The following ZNF263 variants were observed in gnomAD, a reference collection of about 807,000 sequenced individuals.
The protein encoded by ZNF263 is zinc finger protein 263.
Under a neutral mutation model 63.1 loss-of-function variants are expected in ZNF263, and 49 were observed. That is an observed-to-expected ratio of 0.78 (90% CI 0.62 to 0.99). The LOEUF is 0.99. Among genes scored for constraint, ZNF263 ranks in the 50% least tolerant of loss-of-function variants. ZNF263 has a pLI of 0.00. For missense variants in ZNF263, 872 were observed against 854.8 expected (o/e 1.02, Z -0.25); for synonymous variants, 352 against 324.2 (o/e 1.09, Z -0.92).
In ZNF263 at chr16:3,286,014, C is replaced by T. The variant is rs201450738; in HGVS notation, c.643-9C>T. 4.3e-5 allele frequency: 69 copies of T among 1,614,004 alleles called. No individual in the cohort carries two copies. The highest frequency in any genetic ancestry group is 5.3e-5 in the Non-Finnish European group (62 of 1,179,974). On this transcript the variant is annotated splice_polypyrimidine_tract_variant and intron_variant, in intron 3 of 5. Coordinates refer to ENST00000219069, the MANE Select transcript of ZNF263 (RefSeq NM_005741.5). ...ATCAGGGGCTAAAGGAGATCTTGTG[C>T]TGTTTCAGTTGCCTGAGAGCTTAGA...
At chr16:3,285,302 A>G in intron 2 of ZNF263, 63 bp downstream of exon 2, 1 of 1,493,342 alleles carries the variant, frequency 6.7e-7, no homozygotes, top group Non-Finnish European at 9.1e-7. Context: ...CCCCGACACT[A>G]GCTGGATGTA....
chr16:3,285,588 C>T (rs1461640299), intron 2 of ZNF263, 93 bp from the exon 3 acceptor site: 1 of 1,294,440 alleles, frequency 7.7e-7, no homozygotes, highest in Non-Finnish European at 1.1e-6. Flanking sequence ...AAAGCAGAGG[C>T]TGGGTGTTGG....
chr16:3,285,367 GAA>G (rs758083448), intron 2 of ZNF263, 128 bp downstream of exon 2: 558 of 1,130,196 alleles, frequency 4.9e-4, no homozygotes, highest in Non-Finnish European at 6.4e-4. Context: ...CCTGTGGAAT[GAA>G]AGACCTGCAG....
Position 3,288,457 on chromosome 16 carries a change from C to T in ZNF263, c.773C>T (p.Ser258Phe). The T allele has an allele frequency of 1.2e-6, 2 of 1,607,904 alleles. No homozygotes were observed. The highest frequency in any genetic ancestry group is 1.7e-6 in the Non-Finnish European group (2 of 1,175,184). Residue 258 changes from serine (S) to phenylalanine (F), a missense_variant, in exon 5 of 6, where the codon TCT becomes TTT. Coordinates refer to ENST00000219069, the MANE Select transcript of ZNF263 (RefSeq NM_005741.5). ...ESYENVDSLE[S>F]HIPSQEVPGT... ...CTGTTTCTTTCATTGTGAACAGAGT[C>T]TCACATTCCCAGTCAGGAGGTCCCA...
rs1466799317 is a variant in ZNF263 at position 3,289,490 on chromosome 16, G to A, written c.984G>A (p.Val328=). The change falls in exon 6 of 6, where the codon GTG becomes GTA. Residue 328 remains valine, a synonymous_variant. Transcript: ENST00000219069. ...VLLPDQARGE[V]PWSPELGRPH... The stretch of plus-strand genomic sequence containing the variant: ...TTCCTGACCAGGCCCGAGGGGAGGT[G>A]CCCTGGAGTCCTGAGCTGGGAAGAC... 5.1e-6 allele frequency: 8 copies of A among 1,558,072 alleles called. No individual in the cohort carries two copies. The highest frequency in any genetic ancestry group is 6.1e-6 in the Non-Finnish European group (7 of 1,153,046).
chr16:3,289,771 T>C lies in ZNF263; in HGVS notation c.1265T>C (p.Leu422Pro). The C allele has an allele frequency of 6.2e-7, 1 of 1,614,248 alleles. No individual in the cohort carries two copies. Among genetic ancestry groups the C allele is most frequent in the Non-Finnish European group, 8.5e-7 (1 of 1,180,044 alleles). ...TEIFGGNPRF[L>P]SLHRAHLGEE... ...ATCTTTGGTGGGAACCCACGTTTCC[T>C]GTCACTACACAGAGCACACCTGGGA... Residue 422 changes from leucine (L) to proline (P), a missense_variant, in exon 6 of 6, where the codon CTG becomes CCG. By Grantham distance (98) the Leu-to-Pro change is moderately conservative. Transcript: ENST00000219069.
intron 1 of ZNF263, among the ~76,000 whole-genome samples, chr16:3,298,178 G>A (rs1207682535): frequency 6.6e-6 from 1 of 152,184 alleles, no homozygotes; most frequent in Non-Finnish European, 1.5e-5. Context: ...GCCGTATGAT[G>A]GTTAAAAGCC....
At chr16:3,297,023 G>A (rs1011181464) in intron 1 of ZNF263, among the ~76,000 whole-genome samples, 3 of 152,166 alleles carry the variant, frequency 2.0e-5, no homozygotes, top group African/African-American at 7.2e-5. Flanking sequence ...AAAATTCACA[G>A]GCCGGGCGCA....
chr16:3,294,066 C>T (rs1959684149), downstream of ZNF263, among the ~76,000 whole-genome samples: 1 of 152,354 alleles, frequency 6.6e-6, no homozygotes, highest in Non-Finnish European at 1.5e-5. Flanking sequence ...GCTGGGACTA[C>T]AGGCGCCCGC....
chr16:3,283,549 C>T lies in ZNF263; in HGVS notation c.-270C>T, dbSNP rs1567248008. The stretch of plus-strand genomic sequence containing the variant: ...GAGGTCTGAGTCTTGCGTGGGTCCT[C>T]TATATAGGGTGAGAAGCGTGGCGCT... On this transcript the variant is annotated 5_prime_UTR_variant, in exon 1 of 6. Transcript: ENST00000219069. The T allele has an allele frequency of 5.8e-6, 2 of 343,268 alleles. No individual in the cohort carries two copies. The highest frequency in any genetic ancestry group is 9.5e-5 in the East Asian group (2 of 20,944). 21.3% of individuals were successfully genotyped at this position (343,268 alleles called of 1,614,324 possible).
intron 2 of ZNF263, chr16:3,300,750 T>A (rs551176586): frequency 4.1e-5 from 58 of 1,408,426 alleles, no homozygotes; most frequent in Non-Finnish European, 5.2e-5. Flanking sequence ...TATTGGAGGA[T>A]AATGGACTGA....
downstream of ZNF263, among the ~76,000 whole-genome samples, chr16:3,292,113 C>A (rs182642069): frequency 1.8e-4 from 27 of 152,100 alleles, no homozygotes; most frequent in Admixed American, 1.2e-3. Context: ...CTGTGGGAAA[C>A]GGGGGAGTAT....
intron 5 of ZNF263, 107 bp from the exon 6 acceptor site, chr16:3,289,286 A>G: frequency 2.4e-6 from 3 of 1,234,560 alleles, no homozygotes; most frequent in Non-Finnish European, 3.3e-6. Context: ...CTGAGGTAGA[A>G]GCAGCCCTTC....
chr16:3,290,238 T>C lies in ZNF263; in HGVS notation c.1732T>C (p.Leu578=), dbSNP rs1959559167. Residue 578 remains leucine (L), a synonymous_variant, in exon 6 of 6, where the codon TTG becomes CTG. Coordinates refer to ENST00000219069, the MANE Select transcript of ZNF263 (RefSeq NM_005741.5). The part of the protein sequence containing the change: ...HKAEKKLFEC[L]TCGKSFRQGM... ...GGCAGAGAAGAAGCTCTTTGAATGT[T>C]TGACTTGTGGGAAAAGCTTCCGGCA... 1.9e-6 allele frequency: 3 copies of C among 1,614,146 alleles called. No homozygotes were observed. In the South Asian group the frequency reaches 3.3e-5, roughly 18 times the overall value.
At chr16:3,294,348 CAACT>C (rs1297503846), downstream of ZNF263, among the ~76,000 whole-genome samples, 1 of 152,180 alleles carries the variant, frequency 6.6e-6, no homozygotes, top group Non-Finnish European at 1.5e-5. Context: ...GCATTTGAAA[CAACT>C]AAGTCACGTA....
intron 1 of ZNF263, among the ~76,000 whole-genome samples, 182 bp downstream of exon 1, chr16:3,284,387 G>C (rs909919534): frequency 2.0e-5 from 3 of 152,246 alleles, no homozygotes; most frequent in Non-Finnish European, 4.4e-5. Context: ...AAGCAGTGAA[G>C]AGTGCCCTGT....
At position 3,290,591 on chromosome 16, in the gene ZNF263, G is replaced by A. The variant is rs752154335; in HGVS notation, c.*33G>A. 5.1e-6 allele frequency: 8 copies of A among 1,569,116 alleles called. No homozygotes were observed. The South Asian group carries it at 9.6e-5, about 19-fold the overall frequency. On this transcript the variant is annotated 3_prime_UTR_variant, in exon 6 of 6. Transcript: ENST00000219069. Reference sequence around the variant, plus strand: ...GGGGTTTCTCTTTGCCCCAGGTGAGGTGGCATATTCAGAGGAGCCTGTTGG... The same window carrying A: ...GGGGTTTCTCTTTGCCCCAGGTGAGATGGCATATTCAGAGGAGCCTGTTGG...
chr16:3,285,086 G>C lies in ZNF263; in HGVS notation c.415G>C (p.Val139Leu), dbSNP rs764198314. The C allele has an allele frequency of 1.5e-5, 25 of 1,614,092 alleles. No individual in the cohort carries two copies. Among genetic ancestry groups the C allele is most frequent in the Non-Finnish European group, 2.0e-5 (24 of 1,180,046 alleles). ...QVTNHGRGTE[V>L]LLEEPLPLET... The stretch of plus-strand genomic sequence containing the variant: ...CACAAACCATGGGCGGGGAACAGAA[G>C]TGCTTTTGGAGGAGCCTTTGCCTCT... The change falls in exon 2 of 6, where the codon GTG becomes CTG. Residue 139 changes from valine (V) to leucine (L), a missense_variant. Transcript: ENST00000219069.
At chr16:3,286,502 GCTTATT>G (rs1447355931) in intron 4 of ZNF263, 1 of 165,412 alleles carries the variant, frequency 6.0e-6, no homozygotes, top group African/African-American at 2.4e-5. Flanking sequence ...ATTTTCAGAT[GCTTATT>G]CTTATGAGCT....
Sources: gnomAD v4.1 joint callset for allele counts (sites outside exome capture counted in the v4.1 genomes callset) on GRCh38, gnomAD v4.1.1 for gene constraint, MANE v1.5 for transcripts, NCBI Gene and HGNC (gene_info 2026-07-23, HGNC 2026-07-21) for gene names.